PRKN: variants seen among roughly 807,000 people sequenced by gnomAD.
PRKN encodes parkin RBR E3 ubiquitin protein ligase, also known as E3 ubiquitin-protein ligase parkin.
In PRKN, 56 loss-of-function variants were observed where a neutral mutation model predicts 59.5. That is an observed-to-expected ratio of 0.94 (90% confidence interval 0.76 to 1.18). The LOEUF is 1.18. PRKN is among the 50% of genes most tolerant of loss of function. The pLI is 0.00. For missense variants in PRKN, 657 were observed against 596.4 expected (o/e 1.10, Z -1.06); for synonymous variants, 250 against 222.1 (o/e 1.13, Z -1.12).
At position 161,847,557 on chromosome 6, in the gene PRKN, C is replaced by G. The variant is rs142920063; in HGVS notation, c.735-61649G>C. Among the ~76,000 whole-genome samples, 406 of 150,896 alleles carry G rather than the reference C, an allele frequency of 2.7e-3. 1 individual carries two copies. The highest frequency in any genetic ancestry group is 4.2e-3 in the Non-Finnish European group (285 of 67,880). Reference sequence around the variant, plus strand: ...GTGCAGCAAACACTTGATTTCTAAGCATTTTACCTGTACTTTTTTAGATTT... The same window carrying G: ...GTGCAGCAAACACTTGATTTCTAAGGATTTTACCTGTACTTTTTTAGATTT... On this transcript the variant is annotated intron_variant, in intron 6 of 11. Coordinates refer to ENST00000366898, the MANE Select transcript of PRKN (RefSeq NM_004562.3).
rs1399663769 is a variant in PRKN at position 161,372,801 on chromosome 6, G to A, written c.1168-12596C>T. 1.3e-5 allele frequency among the ~76,000 whole-genome samples: 2 copies of A among 151,360 alleles called. No homozygotes were observed. Among genetic ancestry groups the A allele is most frequent in the Non-Finnish European group, 2.9e-5 (2 of 67,904 alleles). On this transcript the variant is annotated intron_variant, in intron 10 of 11. Coordinates refer to ENST00000366898, the MANE Select transcript of PRKN (RefSeq NM_004562.3). This position sits in a 1 kb window ranked among gnomAD's most constrained non-coding sequence, Gnocchi z 4.2. ...CTCGCAGAAGGTCTACATACACTGT[G>A]GTCAACAAAGACAGAGAGACCCTAT... is the stretch of plus-strand genomic sequence containing the variant.
At chr6:161,567,205 A>C (rs1167763808) in intron 8 of PRKN, among the ~76,000 whole-genome samples, 2 of 151,790 alleles carry the variant, frequency 1.3e-5, no homozygotes, top group Non-Finnish European at 2.9e-5. Flanking sequence ...TGCCTGGCTA[A>C]TATTTTGTAT....
intron 1 of PRKN, among the ~76,000 whole-genome samples, chr6:162,472,473 T>TATATATATATATATATATATATATA (rs1562790180): frequency 1.2e-5 from 1 of 83,922 alleles, no homozygotes; most frequent in Non-Finnish European, 2.8e-5. Context: ...TTTTATTTTA[T>TATATATATATATATATATATATATA]TTTATTTTAT....
rs1247900775 is a variant in PRKN, at chr6:161,549,248, T to C, written c.934-245A>G. On this transcript the variant is annotated intron_variant, in intron 8 of 11. Coordinates refer to ENST00000366898, the MANE Select transcript of PRKN (RefSeq NM_004562.3). This position sits in a 1 kb window ranked among gnomAD's most constrained non-coding sequence, Gnocchi z 6.0. ...CAAGACATATAAGTGTGTTTACTTT[T>C]TGCTTTTTTGTCTTCAGAAAATAGA... Among the ~76,000 whole-genome samples the C allele has an allele frequency of 6.6e-6, 1 of 152,196 alleles. No individual in the cohort carries two copies. Among genetic ancestry groups the C allele is most frequent in the East Asian group, 1.9e-4 (1 of 5,194 alleles).
intron 6 of PRKN, among the ~76,000 whole-genome samples, chr6:161,947,346 G>T (rs548866210): frequency 1.7e-4 from 26 of 152,242 alleles, no homozygotes; most frequent in African/African-American, 6.3e-4. Flanking sequence ...TAATTTGGGG[G>T]CCTGTTCTGA....
intron 2 of PRKN, among the ~76,000 whole-genome samples, chr6:162,331,967 T>C (rs558205623): frequency 1.5e-4 from 23 of 152,316 alleles, no homozygotes; most frequent in African/African-American, 5.3e-4. Flanking sequence ...TATTTGTTCA[T>C]TCAATAAGTA....
intron 4 of PRKN, among the ~76,000 whole-genome samples, chr6:162,189,633 GC>G (rs529954622): frequency 1.5e-4 from 23 of 151,800 alleles, no homozygotes; most frequent in Admixed American, 1.2e-3. Context: ...TAATAAGGGA[GC>G]CCAGAACAGG....
intron 1 of PRKN, among the ~76,000 whole-genome samples, chr6:162,609,120 A>T (rs1009328980): frequency 6.6e-6 from 1 of 152,228 alleles, no homozygotes; most frequent in African/African-American, 2.4e-5. Flanking sequence ...AGAAACATAA[A>T]GGCAACCTCA....
Position 161,391,469 on chromosome 6 carries a change from AAAC to A in PRKN, c.1084-4595_1084-4593del, listed in dbSNP as rs1253765071. On this transcript the variant is annotated intron_variant, in intron 9 of 11. Coordinates refer to ENST00000366898, the MANE Select transcript of PRKN (RefSeq NM_004562.3). The surrounding 1 kb of genome is among the most constrained non-coding windows in gnomAD (Gnocchi z 4.9). ...TTTTCGAGAAATTTTAAATGTCTTTAAACAATCATAAAATAATACATACTTATT... is the reference window on the plus strand; with the variant it reads ...TTTTCGAGAAATTTTAAATGTCTTTAAATCATAAAATAATACATACTTATT... Among the ~76,000 whole-genome samples the A allele has an allele frequency of 6.7e-6, 1 of 149,376 alleles. No homozygotes were observed. The highest frequency in any genetic ancestry group is 2.5e-5 in the African/African-American group (1 of 40,776).
At position 162,435,371 on chromosome 6, in the gene PRKN, T is replaced by C. The variant is rs1055526748; in HGVS notation, c.171+7939A>G. ...AGCTTTTTTTTTTTCTTCAAGTCTA[T>C]GCTTATTGATGGCAATCCTCAGAGA... is the stretch of plus-strand genomic sequence containing the variant. On this transcript the variant is annotated intron_variant, in intron 2 of 11. Transcript: ENST00000366898. Among the ~76,000 whole-genome samples, 6 of 152,186 alleles carry C rather than the reference T, an allele frequency of 3.9e-5. No homozygotes were observed. In the East Asian group the frequency reaches 7.7e-4, roughly 20 times the overall value.
intron 1 of PRKN, among the ~76,000 whole-genome samples, chr6:162,642,998 A>G (rs1423583552): frequency 2.6e-5 from 4 of 152,184 alleles, no homozygotes; most frequent in Non-Finnish European, 4.4e-5. Flanking sequence ...AAAGTTTTGT[A>G]TATCCTTATC....
chr6:162,400,863 C>T (rs1367670925), intron 2 of PRKN, among the ~76,000 whole-genome samples: 1 of 152,090 alleles, frequency 6.6e-6, no homozygotes, highest in Non-Finnish European at 1.5e-5. Context: ...CTACTATATA[C>T]ATCATACTCT....
intron 7 of PRKN, among the ~76,000 whole-genome samples, chr6:161,580,678 C>T (rs892791119): frequency 9.2e-5 from 14 of 151,778 alleles, no homozygotes; most frequent in African/African-American, 3.1e-4. Context: ...GGGATTTCAC[C>T]GTGTTAGGAC....
intron 1 of PRKN, among the ~76,000 whole-genome samples, chr6:162,453,983 A>G (rs1371833002): frequency 6.6e-6 from 1 of 152,204 alleles, no homozygotes; most frequent in African/African-American, 2.4e-5. Context: ...AAAGGAGAAG[A>G]AAGACTGGAT....
At position 161,712,923 on chromosome 6, in the gene PRKN, G is replaced by T. The variant is rs530082463; in HGVS notation, c.871+72849C>A. Among the ~76,000 whole-genome samples the T allele has an allele frequency of 1.8e-3, 281 of 152,188 alleles. 3 individuals carry two copies. The highest frequency in any genetic ancestry group is 6.3e-3 in the African/African-American group (263 of 41,526). ...CAGTTCTCCAGTGGACACCAACTGGGTATCCTATAATTCAACTCGATTCTG... is the reference window on the plus strand; with the variant it reads ...CAGTTCTCCAGTGGACACCAACTGGTTATCCTATAATTCAACTCGATTCTG... On this transcript the variant is annotated intron_variant, in intron 7 of 11. Coordinates refer to ENST00000366898, the MANE Select transcript of PRKN (RefSeq NM_004562.3).
chr6:161,494,738 G>A (rs1472718201), intron 9 of PRKN, among the ~76,000 whole-genome samples: 1 of 152,230 alleles, frequency 6.6e-6, no homozygotes, highest in Non-Finnish European at 1.5e-5. Flanking sequence ...TACGGGCAAA[G>A]AAATGGGCTG....
chr6:161,944,273 A>G (rs531064326), intron 6 of PRKN, among the ~76,000 whole-genome samples: 18 of 152,312 alleles, frequency 1.2e-4, no homozygotes, highest in East Asian at 1.9e-4. Context: ...AAACTCTGCA[A>G]TGGGGGGCTT....
chr6:161,387,753 T>A (rs965080875), intron 9 of PRKN, among the ~76,000 whole-genome samples: 5 of 152,152 alleles, frequency 3.3e-5, no homozygotes, highest in African/African-American at 4.8e-5. Flanking sequence ...ACATAATGGA[T>A]AGGTGGAAGC....
chr6:161,796,199 C>T (rs1001222182), intron 6 of PRKN, among the ~76,000 whole-genome samples: 1 of 152,152 alleles, frequency 6.6e-6, no homozygotes, highest in Non-Finnish European at 1.5e-5. Context: ...GGAAGATACC[C>T]ATTTGCCTTT....
Sources: allele counts gnomAD v4.1 joint callset (sites outside exome capture counted in the v4.1 genomes callset), GRCh38; gene constraint gnomAD v4.1.1; non-coding constraint Gnocchi (gnomAD v3.1); transcripts MANE v1.5; gene names NCBI Gene and HGNC (gene_info 2026-07-23, HGNC 2026-07-21).